The following DPH6 variants were observed in gnomAD, a reference collection of about 807,000 sequenced individuals.
The protein encoded by DPH6 is diphthine--ammonia ligase.
A neutral mutation model predicts 38.2 loss-of-function variants in DPH6; 33 were observed. The observed-to-expected ratio is 0.86, with a 90% confidence interval of 0.65 to 1.15. DPH6 has a LOEUF of 1.15. DPH6 is among the 50% of genes most tolerant of loss of function. The probability of loss-of-function intolerance (pLI) is 0.00; values close to 1 mark genes in which losing one functional copy is unlikely to be tolerated. For synonymous variants in DPH6, 108 were observed against 103.0 expected, an observed-to-expected ratio of 1.05 and a Z score of -0.30; for missense variants, 325 against 320.0, an observed-to-expected ratio of 1.02 and a Z score of -0.12.
downstream of DPH6, chr15:35,365,957 T>A: frequency 1.0e-6 from 1 of 985,238 alleles, no homozygotes; most frequent in African/African-American, 1.7e-5. Context: ...GACAAATCAC[T>A]TTTCTGCTCC....
intron 3 of DPH6, among the ~76,000 whole-genome samples, chr15:35,340,440 T>C (rs1029364626): frequency 6.6e-6 from 1 of 152,204 alleles, no homozygotes; most frequent in Non-Finnish European, 1.5e-5. Context: ...CTGGTTATTT[T>C]GCAGGCTTGT....
intron 5 of DPH6, among the ~76,000 whole-genome samples, chr15:35,415,654 C>A (rs1324313608): frequency 1.3e-5 from 2 of 151,938 alleles, no homozygotes; most frequent in African/African-American, 4.8e-5. Context: ...CCACATGAAC[C>A]TGTGATCTTC....
At chr15:35,200,433 T>G in the DPH6 span, among the ~76,000 whole-genome samples, 1 of 152,108 alleles carries the variant, frequency 6.6e-6, no homozygotes, top group South Asian at 2.1e-4. Context: ...TTGGACTGTA[T>G]CCTAAAAAAA....
intron 3 of DPH6, chr15:35,490,263 CAGTCATAA>C: frequency 1.1e-6 from 1 of 900,676 alleles, no homozygotes. Context: ...GCTGAATTGT[CAGTCATAA>C]AGAGAGGTTT....
the DPH6 span, among the ~76,000 whole-genome samples, chr15:35,204,381 G>A: frequency 6.6e-6 from 1 of 151,790 alleles, no homozygotes; most frequent in Admixed American, 6.6e-5. Context: ...CATCTTTAAA[G>A]AAGATTAGTT....
chr15:35,153,921 C>G, the DPH6 span, among the ~76,000 whole-genome samples: 3 of 151,814 alleles, frequency 2.0e-5, no homozygotes, highest in African/African-American at 7.3e-5. Context: ...TAAAGAAAAC[C>G]AAGGAAATTA....
At chr15:35,357,060 G>A (rs553893132) in intron 3 of DPH6, among the ~76,000 whole-genome samples, 31 of 152,322 alleles carry the variant, frequency 2.0e-4, no homozygotes, top group Non-Finnish European at 4.1e-4. Flanking sequence ...GCGAGGCTCC[G>A]TGGGCGTAGG....
chr15:35,538,544 A>C (rs2055207146), intron 2 of DPH6, 77 bp from the exon 3 acceptor site: 6 of 1,292,288 alleles, frequency 4.6e-6, no homozygotes, highest in Non-Finnish European at 4.1e-6. Context: ...TCCAGGTTTT[A>C]CTGCTTGAAT....
At chr15:35,259,700 G>A (rs1318503342) in intron 3 of DPH6, among the ~76,000 whole-genome samples, 1 of 152,200 alleles carries the variant, frequency 6.6e-6, no homozygotes, top group East Asian at 1.9e-4. Flanking sequence ...TAAAGCTACT[G>A]AGCAGCCAAT....
intron 3 of DPH6, chr15:35,489,653 CT>C (rs1413692841): frequency 1.6e-5 from 16 of 978,154 alleles, no homozygotes; most frequent in Non-Finnish European, 1.9e-5. Flanking sequence ...AAAAAATACC[CT>C]AAGGCATACA....
intron 3 of DPH6, among the ~76,000 whole-genome samples, chr15:35,304,352 T>G (rs2052073905): frequency 6.6e-6 from 1 of 152,152 alleles, no homozygotes; most frequent in African/African-American, 2.4e-5. Flanking sequence ...TCAAAACCTC[T>G]GGCACATACA....
At chr15:35,464,779 T>C (rs1427383126) in intron 3 of DPH6, among the ~76,000 whole-genome samples, 6 of 152,166 alleles carry the variant, frequency 3.9e-5, no homozygotes, top group Admixed American at 3.3e-4. Context: ...TAAAGATTTG[T>C]TAATGACTAC....
intron 3 of DPH6, among the ~76,000 whole-genome samples, chr15:35,266,167 T>C (rs1322986147): frequency 6.6e-6 from 1 of 152,190 alleles, no homozygotes; most frequent in Non-Finnish European, 1.5e-5. Flanking sequence ...TATTCAGTAA[T>C]GCTTCGTATT....
At chr15:35,413,104 T>C (rs547876477) in intron 5 of DPH6, among the ~76,000 whole-genome samples, 19 of 151,768 alleles carry the variant, frequency 1.3e-4, no homozygotes, top group Non-Finnish European at 1.9e-4. Context: ...GGAAAATCTC[T>C]GTACATTTCT....
intron 3 of DPH6, among the ~76,000 whole-genome samples, chr15:35,318,021 G>A (rs2052208379): frequency 6.6e-6 from 1 of 151,940 alleles, no homozygotes; most frequent in Non-Finnish European, 1.5e-5. Context: ...TAACAGGAGA[G>A]AGGCAGAAAA....
chr15:35,491,097 C>A (rs2054470892), intron 3 of DPH6, among the ~76,000 whole-genome samples: 1 of 152,084 alleles, frequency 6.6e-6, no homozygotes, highest in South Asian at 2.1e-4. Flanking sequence ...CTCCCAATAT[C>A]ATTACATTGG....
intron 6 of DPH6, chr15:35,401,769 T>C: frequency 1.5e-6 from 1 of 667,494 alleles, no homozygotes; most frequent in South Asian, 1.4e-5. Context: ...AAGATTTTAA[T>C]TACTGCCAGG....
chr15:35,311,839 A>G (rs1004210931), intron 3 of DPH6, among the ~76,000 whole-genome samples: 3 of 152,180 alleles, frequency 2.0e-5, no homozygotes, highest in African/African-American at 7.2e-5. Flanking sequence ...TTGAGACCGG[A>G]TGAGCATATG....
At chr15:35,191,178 C>A in the DPH6 span, among the ~76,000 whole-genome samples, 1 of 152,164 alleles carries the variant, frequency 6.6e-6, no homozygotes. Context: ...ATGTAACATG[C>A]CACATTTCAT....
Sources: allele counts gnomAD v4.1 joint callset (sites outside exome capture counted in the v4.1 genomes callset), GRCh38; gene constraint gnomAD v4.1.1; transcripts MANE v1.5; gene names NCBI Gene and HGNC (gene_info 2026-07-23, HGNC 2026-07-21).